CDH8: variants seen among roughly 807,000 people sequenced by gnomAD.
CDH8 encodes cadherin 8, also known as cadherin-8.
CDH8 carries 17 observed loss-of-function variants against 68.1 expected under a neutral mutation model. The ratio of observed to expected loss-of-function variants is 0.25; its 90% CI spans 0.17 to 0.37. The LOEUF (loss-of-function observed/expected upper bound fraction) is 0.37. Ranked by LOEUF, CDH8 falls within the 10% of genes least tolerant of loss-of-function variation. CDH8 has a pLI of 1.00. For synonymous variants in CDH8, 372 were observed against 365.1 expected (o/e 1.02, Z -0.21); for missense variants, 763 against 999.3 (o/e 0.76, Z 3.19).
chr16:61,958,419 T>A (rs2143619127), intron 2 of CDH8, among the ~76,000 whole-genome samples: 1 of 152,300 alleles, frequency 6.6e-6, no homozygotes, highest in Admixed American at 6.5e-5. Context: ...AAAGCAATAT[T>A]GTCACATTCA....
intron 4 of CDH8, among the ~76,000 whole-genome samples, chr16:61,827,353 T>C (rs1962361702): frequency 6.6e-6 from 1 of 151,880 alleles, no homozygotes; most frequent in African/African-American, 2.4e-5. Flanking sequence ...AATAATGTTG[T>C]TCTCCAAGGA....
intron 2 of CDH8, among the ~76,000 whole-genome samples, chr16:61,989,957 T>TA (rs1965688834): frequency 6.6e-6 from 1 of 152,148 alleles, no homozygotes; most frequent in Non-Finnish European, 1.5e-5. Flanking sequence ...AAATATCACA[T>TA]GCTGATTGGG....
chr16:61,837,090 A>G (rs1962584629), intron 4 of CDH8, among the ~76,000 whole-genome samples: 1 of 151,802 alleles, frequency 6.6e-6, no homozygotes, highest in Admixed American at 6.6e-5. Context: ...TTCCCAGTGC[A>G]GTGACTTGCC....
At position 61,652,684 on chromosome 16, in the gene CDH8, T is replaced by C; in HGVS notation, c.*924A>G. ...GGATTATTAATGGATATAATTTAGT[T>C]TTTTCCCATATATCCCCTTAATCTA... On this transcript the variant is annotated 3_prime_UTR_variant, in exon 12 of 12. Coordinates refer to ENST00000577390, the MANE Select transcript of CDH8 (RefSeq NM_001796.5). 1 of 1,228,154 alleles carries C rather than the reference T, an allele frequency of 8.1e-7. No homozygotes were observed. The highest frequency in any genetic ancestry group is 1.0e-6 in the Non-Finnish European group (1 of 974,152). The allele number at this position is 1,228,154 out of a possible 1,614,324, so 76.1% of individuals were successfully genotyped here.
chr16:61,998,449 T>C (rs535411872), intron 2 of CDH8, among the ~76,000 whole-genome samples: 10 of 152,140 alleles, frequency 6.6e-5, no homozygotes, highest in African/African-American at 1.9e-4. Context: ...GGTGGAAGAA[T>C]TGGGTATTTT....
chr16:61,901,719 C>T (rs528962206), intron 2 of CDH8, among the ~76,000 whole-genome samples: 1 of 152,110 alleles, frequency 6.6e-6, no homozygotes, highest in South Asian at 2.1e-4. Flanking sequence ...AAACAACATG[C>T]TTTTAGAATG....
intron 1 of CDH8, among the ~76,000 whole-genome samples, chr16:62,029,965 C>T (rs1902285830): frequency 6.6e-6 from 1 of 152,204 alleles, no homozygotes; most frequent in South Asian, 2.1e-4. Context: ...ATGGGGGCTT[C>T]AGAGTCTCTT....
At position 61,854,001 on chromosome 16, in the gene CDH8, T is replaced by G. The variant is rs144847851; in HGVS notation, c.667+3118A>C. 3.9e-4 allele frequency among the ~76,000 whole-genome samples: 59 copies of G among 152,136 alleles called. 3 individuals carry two copies. The East Asian group carries it at 0.011, about 29-fold the overall frequency. On this transcript the variant is annotated intron_variant, in intron 4 of 11. Coordinates refer to ENST00000577390, the MANE Select transcript of CDH8 (RefSeq NM_001796.5). ...ATGTATGTATAAATATATATGTATA[T>G]ACATATGTATGTGTGTATATACAAG...
chr16:62,014,378 G>T (rs1196487506), intron 2 of CDH8, among the ~76,000 whole-genome samples: 1 of 152,160 alleles, frequency 6.6e-6, no homozygotes. Flanking sequence ...GTCTGGCCAG[G>T]TTGAGACATG....
At chr16:61,899,868 G>A (rs1454633433) in intron 3 of CDH8, among the ~76,000 whole-genome samples, 2 of 102,812 alleles carry the variant, frequency 1.9e-5, no homozygotes, top group Non-Finnish European at 2.1e-5. Flanking sequence ...ACACACACAC[G>A]AGTATCTCAC....
intron 8 of CDH8, among the ~76,000 whole-genome samples, chr16:61,782,785 A>AC (rs1961112711): frequency 6.6e-6 from 1 of 152,042 alleles, no homozygotes; most frequent in African/African-American, 2.4e-5. Flanking sequence ...CTGACCCCTG[A>AC]CCCCTGAGCA....
intron 2 of CDH8, among the ~76,000 whole-genome samples, chr16:61,966,020 A>G (rs1965246207): frequency 6.6e-6 from 1 of 152,212 alleles, no homozygotes; most frequent in Non-Finnish European, 1.5e-5. Flanking sequence ...TAGGATGAAA[A>G]TAAAAAAATG....
chr16:61,844,702 A>T, intron 4 of CDH8, among the ~76,000 whole-genome samples: 1 of 152,190 alleles, frequency 6.6e-6, no homozygotes, highest in East Asian at 1.9e-4. Flanking sequence ...ATTGCAATTT[A>T]GTATAACTTG....
At chr16:61,739,883 C>T (rs1431313742) in intron 8 of CDH8, among the ~76,000 whole-genome samples, 2 of 66,046 alleles carry the variant, frequency 3.0e-5, no homozygotes, top group African/African-American at 5.8e-5. Flanking sequence ...ACAACATATT[C>T]CATATATATA....
intron 10 of CDH8, among the ~76,000 whole-genome samples, chr16:61,688,678 T>C (rs983423953): frequency 2.6e-5 from 4 of 151,970 alleles, no homozygotes; most frequent in African/African-American, 4.8e-5. Flanking sequence ...TTAAATTCCC[T>C]GCCATTCTAT....
chr16:62,015,992 C>T (rs920475924), intron 2 of CDH8, among the ~76,000 whole-genome samples: 2 of 152,164 alleles, frequency 1.3e-5, no homozygotes, highest in Admixed American at 1.3e-4. Flanking sequence ...AAGACACACT[C>T]AGTTACCCTG....
intron 2 of CDH8, among the ~76,000 whole-genome samples, chr16:62,015,872 G>T (rs1567569621): frequency 6.6e-6 from 1 of 152,100 alleles, no homozygotes; most frequent in South Asian, 2.1e-4. Flanking sequence ...AACCAACCAT[G>T]CTGGCACCCT....
rs1470493366 is a variant in CDH8, at chr16:61,650,399, G to C, written c.*3209C>G. 6.6e-6 allele frequency: 1 copy of C among 152,126 alleles called. No individual in the cohort carries two copies. The highest frequency in any genetic ancestry group is 6.6e-5 in the Admixed American group (1 of 15,250). 9.4% of individuals were successfully genotyped at this position (152,126 alleles called of 1,614,324 possible). Reference sequence around the variant, plus strand: ...GAGGGAGATAACTTTGTCTCACTTGGCTCCAACTTAATCATTCTTCTCTAT... The same window carrying C: ...GAGGGAGATAACTTTGTCTCACTTGCCTCCAACTTAATCATTCTTCTCTAT... On this transcript the variant is annotated 3_prime_UTR_variant, in exon 12 of 12. Coordinates refer to ENST00000577390, the MANE Select transcript of CDH8 (RefSeq NM_001796.5).
chr16:61,997,001 A>ATG (rs539962151), intron 2 of CDH8, among the ~76,000 whole-genome samples: 2,422 of 86,148 alleles, frequency 0.028, 32 homozygotes, highest in East Asian at 0.11. Flanking sequence ...TATTGTGTGT[A>ATG]TGTGTGTGTG....
Sources: allele counts gnomAD v4.1 joint callset (sites outside exome capture counted in the v4.1 genomes callset), GRCh38; gene constraint gnomAD v4.1.1; transcripts MANE v1.5; gene names NCBI Gene and HGNC (gene_info 2026-07-23, HGNC 2026-07-21).